AGBL4: variants seen among roughly 807,000 people sequenced by gnomAD.
AGBL4 encodes the protein AGBL carboxypeptidase 4, also known as cytosolic carboxypeptidase 6.
In AGBL4, 58 loss-of-function variants were observed where a neutral mutation model predicts 66.4. That is an observed-to-expected ratio of 0.87 (90% CI 0.71 to 1.09). AGBL4 has a LOEUF of 1.09. Among genes scored for constraint, AGBL4 ranks in the 50% least tolerant of loss-of-function variants. The pLI, the probability that AGBL4 is intolerant of heterozygous loss-of-function variation, is 0.00. For synonymous variants in AGBL4, 234 were observed against 222.9 expected, an observed-to-expected ratio of 1.05 and a Z score of -0.44; for missense variants, 579 against 631.0, an observed-to-expected ratio of 0.92 and a Z score of 0.88.
intron 2 of AGBL4, among the ~76,000 whole-genome samples, chr1:49,712,853 CT>C (rs1421251958): frequency 6.6e-6 from 1 of 151,798 alleles, no homozygotes; most frequent in Non-Finnish European, 1.5e-5. Context: ...GTTTTTTCAT[CT>C]TTAAAAGATG....
At chr1:48,540,396 A>G (rs541793884) in intron 11 of AGBL4, among the ~76,000 whole-genome samples, 1 of 152,310 alleles carries the variant, frequency 6.6e-6, no homozygotes, top group African/African-American at 2.4e-5. Context: ...TTATTCAACA[A>G]CAGAATATCT....
At chr1:49,857,775 A>G (rs779218127) in intron 1 of AGBL4, among the ~76,000 whole-genome samples, 2 of 152,094 alleles carry the variant, frequency 1.3e-5, no homozygotes, top group Non-Finnish European at 2.9e-5. Flanking sequence ...TAAAACTATT[A>G]GAAGAAACAC....
chr1:49,058,815 C>T (rs1218977004), intron 4 of AGBL4, among the ~76,000 whole-genome samples: 1 of 152,162 alleles, frequency 6.6e-6, no homozygotes, highest in Non-Finnish European at 1.5e-5. Flanking sequence ...TTGTTGGGAA[C>T]TGGAGTAAAG....
chr1:49,835,752 T>C (rs1470123515), intron 2 of AGBL4, among the ~76,000 whole-genome samples: 1 of 152,232 alleles, frequency 6.6e-6, no homozygotes, highest in Admixed American at 6.5e-5. Context: ...CATGAGCTCT[T>C]GTAAGGCAGG....
At chr1:49,114,520 A>G (rs1334621637) in intron 4 of AGBL4, among the ~76,000 whole-genome samples, 1 of 152,116 alleles carries the variant, frequency 6.6e-6, no homozygotes, top group East Asian at 1.9e-4. Flanking sequence ...AACACTTTTT[A>G]TTTTCTTCAA....
chr1:48,823,658 T>G (rs1646363331), intron 6 of AGBL4, among the ~76,000 whole-genome samples: 1 of 152,210 alleles, frequency 6.6e-6, no homozygotes, highest in African/African-American at 2.4e-5. Context: ...TGGCTATGAC[T>G]ATTGTACTGC....
At chr1:48,582,636 T>C (rs1644757056) in intron 11 of AGBL4, among the ~76,000 whole-genome samples, 2 of 152,240 alleles carry the variant, frequency 1.3e-5, no homozygotes, top group South Asian at 4.1e-4. Flanking sequence ...GTTGAGTACC[T>C]ACCAGATGCC....
chr1:48,996,442 A>G (rs1407707371), intron 5 of AGBL4, among the ~76,000 whole-genome samples: 1 of 152,192 alleles, frequency 6.6e-6, no homozygotes, highest in African/African-American at 2.4e-5. Flanking sequence ...ACATCAAACG[A>G]TCCTGAGAAA....
At chr1:49,906,615 C>T (rs767494443) in intron 1 of AGBL4, among the ~76,000 whole-genome samples, 11 of 151,672 alleles carry the variant, frequency 7.3e-5, no homozygotes, top group Non-Finnish European at 1.6e-4. Context: ...ATCTCAAATG[C>T]TAAAAAAAAT....
At chr1:48,723,903 T>C (rs1343859967) in intron 6 of AGBL4, among the ~76,000 whole-genome samples, 1 of 152,172 alleles carries the variant, frequency 6.6e-6, no homozygotes, top group Non-Finnish European at 1.5e-5. Flanking sequence ...GAAGTGTAAA[T>C]GGGCCACTTG....
intron 2 of AGBL4, among the ~76,000 whole-genome samples, chr1:49,769,672 TCATCTAATC>T: frequency 6.6e-6 from 1 of 152,010 alleles, no homozygotes; most frequent in South Asian, 2.1e-4. Context: ...ACACCTACAA[TCATCTAATC>T]TTTGAAAAAG....
chr1:49,106,304 T>C (rs1481385608), intron 4 of AGBL4, among the ~76,000 whole-genome samples: 1 of 152,194 alleles, frequency 6.6e-6, no homozygotes, highest in Non-Finnish European at 1.5e-5. Context: ...ACTCCAATCA[T>C]CAGCAGAAAC....
chr1:49,520,779 A>G (rs891687556), intron 3 of AGBL4, among the ~76,000 whole-genome samples: 4 of 151,538 alleles, frequency 2.6e-5, no homozygotes, highest in Admixed American at 6.6e-5. Context: ...CTTTCAATGT[A>G]GAAGTTTATC....
At chr1:48,570,545 C>T (rs190686870) in intron 11 of AGBL4, among the ~76,000 whole-genome samples, 97 of 151,820 alleles carry the variant, frequency 6.4e-4, no homozygotes, top group African/African-American at 2.2e-3. Flanking sequence ...CGTGGGTTAA[C>T]GTTTTTTTTT....
intron 3 of AGBL4, among the ~76,000 whole-genome samples, chr1:49,436,870 T>G (rs1645915568): frequency 6.6e-6 from 1 of 152,110 alleles, no homozygotes; most frequent in African/African-American, 2.4e-5. Flanking sequence ...AAATCTTAAA[T>G]TACAATTACA....
At chr1:48,979,996 A>T (rs964603857) in intron 5 of AGBL4, among the ~76,000 whole-genome samples, 1 of 152,146 alleles carries the variant, frequency 6.6e-6, no homozygotes, top group African/African-American at 2.4e-5. Flanking sequence ...TCTCTGTAGT[A>T]TTTATTATGT....
At chr1:48,548,848 A>G (rs1430952892) in intron 11 of AGBL4, among the ~76,000 whole-genome samples, 1 of 152,228 alleles carries the variant, frequency 6.6e-6, no homozygotes, top group East Asian at 1.9e-4. Context: ...GATGAGTCAC[A>G]TCAAGTATTG....
At chr1:49,756,905 G>A (rs1432026041) in intron 2 of AGBL4, among the ~76,000 whole-genome samples, 1 of 152,076 alleles carries the variant, frequency 6.6e-6, no homozygotes, top group Non-Finnish European at 1.5e-5. Flanking sequence ...TATAGCAGCT[G>A]AGAACAAACA....
chr1:49,847,887 C>T (rs747635410), intron 2 of AGBL4, among the ~76,000 whole-genome samples: 1 of 152,008 alleles, frequency 6.6e-6, no homozygotes, highest in African/African-American at 2.4e-5. Context: ...ATTTTTAGTA[C>T]AGACGGGGTT....
Sources: gnomAD v4.1 joint callset for allele counts (sites outside exome capture counted in the v4.1 genomes callset) on GRCh38, gnomAD v4.1.1 for gene constraint, MANE v1.5 for transcripts, NCBI Gene and HGNC (gene_info 2026-07-23, HGNC 2026-07-21) for gene names.